Variants in DPYD observed in about 807,000 individuals in gnomAD.
The protein encoded by DPYD is dihydropyrimidine dehydrogenase, also known as dihydropyrimidine dehydrogenase [NADP(+)].
A neutral mutation model predicts 116.2 loss-of-function variants in DPYD; 109 were observed. The observed-to-expected ratio is 0.94, with a 90% CI of 0.80 to 1.10. The LOEUF is 1.10. Among genes scored for constraint, DPYD ranks in the 50% least tolerant of loss-of-function variants. The pLI is 0.00. For synonymous variants in DPYD, 440 were observed against 432.0 expected (o/e 1.02, Z -0.23); for missense variants, 1,302 against 1,254.5 (o/e 1.04, Z -0.57).
intron 11 of DPYD, among the ~76,000 whole-genome samples, chr1:97,567,934 C>T (rs754189894): frequency 2.4e-4 from 36 of 151,764 alleles, no homozygotes; most frequent in South Asian, 1.3e-3. Flanking sequence ...AGGTTTGTTA[C>T]GTATGTATAC....
intron 19 of DPYD, among the ~76,000 whole-genome samples, chr1:97,201,982 AG>A (rs1292634507): frequency 6.6e-6 from 1 of 150,748 alleles, no homozygotes; most frequent in Non-Finnish European, 1.5e-5. Context: ...CCAAAAGGAG[AG>A]GGCTTATTTC....
At chr1:97,919,259 G>C (rs932050290) in intron 1 of DPYD, among the ~76,000 whole-genome samples, 2 of 152,182 alleles carry the variant, frequency 1.3e-5, no homozygotes, top group African/African-American at 4.8e-5. Context: ...CAGCAATCTA[G>C]ATTAAAAGTA....
intron 20 of DPYD, among the ~76,000 whole-genome samples, chr1:97,152,618 C>T (rs544806957): frequency 9.3e-5 from 14 of 150,746 alleles, no homozygotes; most frequent in South Asian, 2.1e-4. Context: ...ATATATAGTA[C>T]TTATATCTAT....
chr1:97,775,013 A>C, intron 3 of DPYD: 1 of 293,900 alleles, frequency 3.4e-6, no homozygotes, highest in Non-Finnish European at 7.2e-6. Context: ...TATGAATGCC[A>C]GGTTTGTGAC....
intron 13 of DPYD, among the ~76,000 whole-genome samples, chr1:97,494,579 T>C (rs1255650178): frequency 1.3e-5 from 2 of 151,844 alleles, no homozygotes; most frequent in Non-Finnish European, 2.9e-5. Context: ...CCCAAATCTA[T>C]GAAAAATACA....
intron 1 of DPYD, among the ~76,000 whole-genome samples, chr1:97,917,018 C>G (rs1674251661): frequency 6.6e-6 from 1 of 152,138 alleles, no homozygotes; most frequent in African/African-American, 2.4e-5. Context: ...TAAAGTAAAA[C>G]TATGGCCCAC....
intron 16 of DPYD, among the ~76,000 whole-genome samples, chr1:97,349,936 A>C (rs1351270943): frequency 9.7e-6 from 1 of 102,616 alleles, no homozygotes; most frequent in African/African-American, 3.3e-5. Context: ...CAATGATTCT[A>C]AAAGAATCCA....
In DPYD at chr1:97,780,077, T is replaced by C. The variant is rs180711296; in HGVS notation, c.234-39598A>G. On this transcript the variant is annotated intron_variant, in intron 3 of 22. Transcript: ENST00000370192. ...TGTTTTATAATTACATTTAATGCAG[T>C]TGTGTTCTCCCACAAAAGCAATTTT... 7.2e-4 allele frequency among the ~76,000 whole-genome samples: 110 copies of C among 152,322 alleles called. 1 individual carries two copies. Among genetic ancestry groups the C allele is most frequent in the Non-Finnish European group, 1.2e-4 (8 of 68,008 alleles).
chr1:97,710,650 C>G (rs929274091), intron 5 of DPYD, among the ~76,000 whole-genome samples: 3 of 151,576 alleles, frequency 2.0e-5, no homozygotes, highest in African/African-American at 7.3e-5. Context: ...TCAGAATATT[C>G]TTTCATTCAA....
intron 19 of DPYD, among the ~76,000 whole-genome samples, chr1:97,225,144 C>T (rs1166044390): frequency 6.6e-6 from 1 of 151,924 alleles, no homozygotes; most frequent in Admixed American, 6.6e-5. Context: ...CATCGTAGTT[C>T]TGTTTTTAAT....
intron 8 of DPYD, among the ~76,000 whole-genome samples, chr1:97,632,101 T>C (rs886429271): frequency 6.6e-6 from 1 of 151,952 alleles, no homozygotes; most frequent in African/African-American, 2.4e-5. Flanking sequence ...CAATGCATTT[T>C]CCCCCCAGCA....
chr1:97,243,150 A>G (rs1396074367), intron 18 of DPYD, among the ~76,000 whole-genome samples: 1 of 151,900 alleles, frequency 6.6e-6, no homozygotes, highest in Non-Finnish European at 1.5e-5. Flanking sequence ...GAAATATTGG[A>G]TTAGTTTTTC....
intron 20 of DPYD, among the ~76,000 whole-genome samples, chr1:97,145,464 G>A (rs564615307): frequency 6.6e-6 from 1 of 152,282 alleles, no homozygotes; most frequent in South Asian, 2.1e-4. Flanking sequence ...CTGGTGAACT[G>A]TGGCCATTTT....
At chr1:97,813,933 C>G (rs1295069335) in intron 3 of DPYD, among the ~76,000 whole-genome samples, 1 of 151,572 alleles carries the variant, frequency 6.6e-6, no homozygotes, top group African/African-American at 2.4e-5. Context: ...CACACACACA[C>G]ACACACACAC....
chr1:97,259,777 G>T (rs1663756159), intron 18 of DPYD, among the ~76,000 whole-genome samples: 1 of 152,082 alleles, frequency 6.6e-6, no homozygotes, highest in Non-Finnish European at 1.5e-5. Flanking sequence ...TTCATTTCTT[G>T]CTTTCAATTT....
At chr1:97,323,571 G>A (rs71512507) in intron 16 of DPYD, among the ~76,000 whole-genome samples, 7 of 63,932 alleles carry the variant, frequency 1.1e-4, no homozygotes, top group South Asian at 7.0e-4. Context: ...ATATATACAC[G>A]TATATATACA....
chr1:97,808,517 T>C (rs1668189605), intron 3 of DPYD, among the ~76,000 whole-genome samples: 1 of 152,086 alleles, frequency 6.6e-6, no homozygotes, highest in Admixed American at 6.6e-5. Flanking sequence ...TTCTAGGAAA[T>C]TTTTTGGTCA....
intron 13 of DPYD, among the ~76,000 whole-genome samples, chr1:97,478,205 G>A (rs889126494): frequency 1.3e-5 from 2 of 152,176 alleles, no homozygotes; most frequent in Non-Finnish European, 2.9e-5. Flanking sequence ...AAACCATGCT[G>A]TAAATAGATG....
At chr1:97,589,718 A>T (rs1386274364) in intron 10 of DPYD, among the ~76,000 whole-genome samples, 3 of 152,246 alleles carry the variant, frequency 2.0e-5, no homozygotes, top group Non-Finnish European at 2.9e-5. Flanking sequence ...GAGAATGAGA[A>T]TTAGACTGCA....
Sources: gnomAD v4.1 joint callset for allele counts (sites outside exome capture counted in the v4.1 genomes callset) on GRCh38, gnomAD v4.1.1 for gene constraint, MANE v1.5 for transcripts, NCBI Gene and HGNC (gene_info 2026-07-23, HGNC 2026-07-21) for gene names.